Variants in RFPL1 observed in about 807,000 individuals in gnomAD.
RFPL1 encodes ret finger protein like 1.
RFPL1 carries 6 observed loss-of-function variants against 9.6 expected under a neutral mutation model. That is an observed-to-expected ratio of 0.62 (90% CI 0.34 to 1.23). The LOEUF is 1.23. Ranked by LOEUF, RFPL1 falls within the 50% of genes most tolerant of loss-of-function variation. The pLI is 0.03. For missense variants in RFPL1, 352 were observed against 398.4 expected (o/e 0.88, Z 0.99); for synonymous variants, 145 against 149.4 (o/e 0.97, Z 0.22).
chr22:29,412,985 C>T, the RFPL1 span, among the ~76,000 whole-genome samples: 1 of 152,046 alleles, frequency 6.6e-6, no homozygotes, highest in Non-Finnish European at 1.5e-5. Context: ...TGGATATTGT[C>T]CTCATGGTCA....
exon 1 of RFPL1, chr22:29,438,862 T>C: frequency 6.2e-7 from 1 of 1,613,808 alleles, no homozygotes; most frequent in Non-Finnish European, 8.5e-7. Context: ...TTGTGCACTT[T>C]TCCCCTGGCA....
At chr22:29,424,391 C>T in the RFPL1 span, among the ~76,000 whole-genome samples, 2 of 152,034 alleles carry the variant, frequency 1.3e-5, no homozygotes, top group Admixed American at 1.3e-4. Flanking sequence ...TTTACCGAGC[C>T]CCTATTAAAG....
At chr22:29,423,912 A>G in the RFPL1 span, among the ~76,000 whole-genome samples, 1 of 152,124 alleles carries the variant, frequency 6.6e-6, no homozygotes, top group Non-Finnish European at 1.5e-5. Flanking sequence ...GTACTATTGT[A>G]AGACAATAAG....
At chr22:29,405,254 C>T in the RFPL1 span, among the ~76,000 whole-genome samples, 14 of 152,098 alleles carry the variant, frequency 9.2e-5, no homozygotes, top group African/African-American at 3.1e-4. Flanking sequence ...AGAAGCAAGG[C>T]GTGAGTGTGC....
At chr22:29,416,428 T>C in the RFPL1 span, among the ~76,000 whole-genome samples, 168 of 152,252 alleles carry the variant, frequency 1.1e-3, no homozygotes, top group African/African-American at 3.9e-3. Context: ...ACTTGATGTT[T>C]AGCAGAGAGA....
chr22:29,392,633 A>C, the RFPL1 span, among the ~76,000 whole-genome samples: 1 of 151,206 alleles, frequency 6.6e-6, no homozygotes, highest in East Asian at 2.0e-4. Flanking sequence ...CAAGGGATCC[A>C]CCTCCAAAGT....
At chr22:29,420,382 G>A in the RFPL1 span, among the ~76,000 whole-genome samples, 13 of 152,168 alleles carry the variant, frequency 8.5e-5, no homozygotes, top group African/African-American at 1.2e-4. Context: ...CCAGGCTGGA[G>A]TGCAGTGGCC....
At chr22:29,438,179 C>CTT (rs60607519), upstream of RFPL1, 3,380 of 94,730 alleles carry the variant, frequency 0.036, 264 homozygotes, top group African/African-American at 0.11. Context: ...CAGTCCCTCT[C>CTT]TTTTTTTTTT....
chr22:29,415,947 G>A, the RFPL1 span, among the ~76,000 whole-genome samples: 2 of 152,336 alleles, frequency 1.3e-5, no homozygotes, highest in Non-Finnish European at 2.9e-5. Context: ...GACCCCTGGA[G>A]TTGTGGTTGT....
the RFPL1 span, among the ~76,000 whole-genome samples, chr22:29,403,359 G>A: frequency 5.3e-5 from 8 of 152,234 alleles, no homozygotes; most frequent in East Asian, 1.4e-3. Flanking sequence ...CTAAGGCCTC[G>A]TACACGTAGT....
chr22:29,412,379 AG>A, the RFPL1 span, among the ~76,000 whole-genome samples: 1 of 152,176 alleles, frequency 6.6e-6, no homozygotes, highest in Admixed American at 6.5e-5. Flanking sequence ...GTTCTTGGCC[AG>A]GGCAGTGGCA....
At chr22:29,418,735 A>T in the RFPL1 span, among the ~76,000 whole-genome samples, 96,847 of 151,982 alleles carry the variant, frequency 0.64, 32,865 homozygotes, top group African/African-American at 0.87. Context: ...CCTGACCTCG[A>T]GATCCGCCCA....
chr22:29,407,230 C>G, the RFPL1 span, among the ~76,000 whole-genome samples: 1 of 151,812 alleles, frequency 6.6e-6, no homozygotes, highest in Non-Finnish European at 1.5e-5. Context: ...AAGTAGCTGG[C>G]CATAAGGCAC....
chr22:29,394,240 G>A, the RFPL1 span, among the ~76,000 whole-genome samples: 1 of 152,238 alleles, frequency 6.6e-6, no homozygotes, highest in African/African-American at 2.4e-5. Flanking sequence ...TGCAAGCTCC[G>A]CCTCCTGGGT....
At chr22:29,417,426 T>A in the RFPL1 span, among the ~76,000 whole-genome samples, 2 of 151,088 alleles carry the variant, frequency 1.3e-5, no homozygotes, top group East Asian at 3.9e-4. Flanking sequence ...TGGGGGGTGA[T>A]CCATGGGGAC....
chr22:29,399,640 T>G, the RFPL1 span, among the ~76,000 whole-genome samples: 1 of 152,218 alleles, frequency 6.6e-6, no homozygotes, highest in Admixed American at 6.5e-5. Context: ...TTAAATCTTT[T>G]CAACTAAATG....
chr22:29,411,487 GCCCTAGTAGGATTCATGCATT>G, the RFPL1 span, among the ~76,000 whole-genome samples: 1 of 85,882 alleles, frequency 1.2e-5, no homozygotes, highest in African/African-American at 8.5e-5. Flanking sequence ...AACTCTTTCT[GCCCTAGTAGGATTCATGCATT>G]TTATCTTCTT....
the RFPL1 span, among the ~76,000 whole-genome samples, chr22:29,407,293 A>C: frequency 6.6e-6 from 1 of 152,104 alleles, no homozygotes; most frequent in African/African-American, 2.4e-5. Context: ...GGATTTCACC[A>C]TGTTGCCCAG....
the RFPL1 span, among the ~76,000 whole-genome samples, chr22:29,403,045 G>C: frequency 1.3e-5 from 2 of 149,878 alleles, no homozygotes; most frequent in Non-Finnish European, 3.0e-5. Context: ...TTCAGTAGCT[G>C]GTAGTGGAAG....
Sources: allele counts gnomAD v4.1 joint callset (sites outside exome capture counted in the v4.1 genomes callset), GRCh38; gene constraint gnomAD v4.1.1; transcripts MANE v1.5; gene names NCBI Gene and HGNC (gene_info 2026-07-23, HGNC 2026-07-21).